Variants in CAMK2D observed in about 807,000 individuals in gnomAD.
CAMK2D encodes calcium/calmodulin dependent protein kinase II delta.
CAMK2D carries 37 observed loss-of-function variants against 84.0 expected under a neutral mutation model. That is an observed-to-expected ratio of 0.44 (90% confidence interval 0.34 to 0.58). The LOEUF (loss-of-function observed/expected upper bound fraction) is 0.58, where lower values mean the gene tolerates loss of function less well. CAMK2D is among the 20% of genes least tolerant of loss of function. CAMK2D has a pLI of 0.02. For synonymous variants in CAMK2D, 202 were observed against 212.5 expected, an observed-to-expected ratio of 0.95 and a Z score of 0.43; for missense variants, 448 against 652.5, an observed-to-expected ratio of 0.69 and a Z score of 3.41.
chr4:113,625,102 G>A (rs2154280276), intron 3 of CAMK2D, among the ~76,000 whole-genome samples: 1 of 152,254 alleles, frequency 6.6e-6, no homozygotes, highest in South Asian at 2.1e-4. Context: ...GTAGCAGCAG[G>A]ATCAGACTTA....
chr4:113,465,755 C>T (rs988174086), intron 16 of CAMK2D, 151 bp from the exon 17 acceptor site: 3 of 596,880 alleles, frequency 5.0e-6, no homozygotes, highest in Non-Finnish European at 8.9e-6. Flanking sequence ...GCCTTGACCT[C>T]CTGGGCTCAA....
intron 2 of CAMK2D, among the ~76,000 whole-genome samples, chr4:113,697,031 G>A (rs1695753246): frequency 6.6e-6 from 1 of 152,064 alleles, no homozygotes; most frequent in Non-Finnish European, 1.5e-5. Flanking sequence ...AATGTCCAAG[G>A]AGTCTTGATT....
intron 8 of CAMK2D, among the ~76,000 whole-genome samples, chr4:113,519,331 A>AGTT (rs1335227859): frequency 1.3e-5 from 2 of 152,194 alleles, no homozygotes. Flanking sequence ...TGCAGTTGAC[A>AGTT]GTTGATGTGG....
intron 2 of CAMK2D, among the ~76,000 whole-genome samples, chr4:113,696,938 T>C (rs886459903): frequency 6.6e-6 from 1 of 152,012 alleles, no homozygotes; most frequent in Non-Finnish European, 1.5e-5. Context: ...GAGAAGGTAA[T>C]GCATATGAAC....
At chr4:113,493,766 A>G (rs764922133) in intron 16 of CAMK2D, among the ~76,000 whole-genome samples, 4,817 of 151,524 alleles carry the variant, frequency 0.032, 113 homozygotes, top group Non-Finnish European at 0.05. Flanking sequence ...TCTCCCCATC[A>G]CTTTCAGGTA....
At chr4:113,583,236 A>G (rs1041299931) in intron 4 of CAMK2D, among the ~76,000 whole-genome samples, 6 of 76,146 alleles carry the variant, frequency 7.9e-5, no homozygotes, top group Non-Finnish European at 1.5e-4. Flanking sequence ...TACCCTTCAT[A>G]GGGCACAAAA....
In CAMK2D at chr4:113,496,593, C is replaced by T. The variant is rs1237405635; in HGVS notation, c.1135+3870G>A. 8.6e-5 allele frequency among the ~76,000 whole-genome samples: 13 copies of T among 151,914 alleles called. No individual in the cohort carries two copies. The East Asian group carries it at 2.1e-3, about 25-fold the overall frequency. ...CCTCCCGAGTTGCTGGGATTACAGG[C>T]GCGTACCACAGTGCCCAGCTAATTT... On this transcript the variant is annotated intron_variant, in intron 16 of 20. Coordinates refer to ENST00000511664, the MANE Select transcript of CAMK2D (RefSeq NM_001321571.2).
chr4:113,641,751 TA>T (rs1440234736), intron 3 of CAMK2D, among the ~76,000 whole-genome samples: 1 of 152,214 alleles, frequency 6.6e-6, no homozygotes, highest in African/African-American at 2.4e-5. Context: ...CTCATGCCTG[TA>T]ATCCCAGCAC....
intron 4 of CAMK2D, among the ~76,000 whole-genome samples, chr4:113,601,991 C>T (rs2098955359): frequency 6.6e-6 from 1 of 151,908 alleles, no homozygotes; most frequent in African/African-American, 2.4e-5. Flanking sequence ...ACCACTGTGC[C>T]CAGCCTCCTT....
chr4:113,646,767 C>A (rs145957680), intron 3 of CAMK2D, among the ~76,000 whole-genome samples: 34 of 152,268 alleles, frequency 2.2e-4, no homozygotes, highest in African/African-American at 7.2e-4. Context: ...CATGCCATCC[C>A]CTCGTTCTCT....
intron 3 of CAMK2D, among the ~76,000 whole-genome samples, chr4:113,619,490 C>T (rs982580128): frequency 2.0e-5 from 3 of 152,162 alleles, no homozygotes; most frequent in African/African-American, 7.2e-5. Context: ...GCTCCACCCT[C>T]ATTATCCCCC....
At chr4:113,560,926 G>T (rs1409872003) in intron 4 of CAMK2D, among the ~76,000 whole-genome samples, 3 of 152,168 alleles carry the variant, frequency 2.0e-5, no homozygotes, top group African/African-American at 4.8e-5. Flanking sequence ...GAAAAGAGAG[G>T]AGAGAATAAT....
Position 113,552,085 on chromosome 4 carries a change from C to T in CAMK2D, c.287G>A (p.Gly96Asp). Residue 96 changes from glycine (G) to aspartate (D), a missense_variant, in exon 5 of 21, where the codon GGT becomes GAT. Around this residue, in one of 7 missense-constraint regions of CAMK2D, gnomAD observed 7 missense variants for 25.5 expected, o/e 0.27. Transcript: ENST00000511664. The stretch of plus-strand genomic sequence containing the variant: ...TGCCACTATGTCTTCAAACAGTTCA[C>T]CTCCAGTAACTCTGGGAAGATAAAA... ...HYLVFDLVTG[G>D]ELFEDIVARE... The T allele has an allele frequency of 6.4e-7, 1 of 1,572,452 alleles. No homozygotes were observed. Among genetic ancestry groups the T allele is most frequent in the Non-Finnish European group, 8.7e-7 (1 of 1,147,042 alleles).
chr4:113,643,283 A>T (rs555402084), intron 3 of CAMK2D, among the ~76,000 whole-genome samples: 11 of 152,324 alleles, frequency 7.2e-5, no homozygotes, highest in South Asian at 2.1e-4. Flanking sequence ...AAAAGTTTTT[A>T]AAAAAAGTCC....
At chr4:113,706,528 T>G (rs2099456502) in intron 2 of CAMK2D, among the ~76,000 whole-genome samples, 1 of 152,166 alleles carries the variant, frequency 6.6e-6, no homozygotes, top group Non-Finnish European at 1.5e-5. Flanking sequence ...CAATGAGATT[T>G]TATAAACTAT....
At chr4:113,517,217 A>G (rs1381041755) in intron 9 of CAMK2D, among the ~76,000 whole-genome samples, 3 of 152,144 alleles carry the variant, frequency 2.0e-5, no homozygotes, top group African/African-American at 7.2e-5. Flanking sequence ...ATTATGTGAT[A>G]GATATTTGAG....
chr4:113,521,195 CT>C (rs1261061275), intron 8 of CAMK2D, among the ~76,000 whole-genome samples: 5 of 152,136 alleles, frequency 3.3e-5, no homozygotes, highest in Non-Finnish European at 7.4e-5. Flanking sequence ...AACGCATTGG[CT>C]CCCCAACATC....
chr4:113,464,369 C>A (rs1450714934), intron 17 of CAMK2D, among the ~76,000 whole-genome samples: 1 of 152,140 alleles, frequency 6.6e-6, no homozygotes, highest in African/African-American at 2.4e-5. Context: ...ATATGTTTTG[C>A]AAATGTTTTT....
intron 4 of CAMK2D, among the ~76,000 whole-genome samples, chr4:113,575,639 T>TCA (rs978363240): frequency 6.6e-6 from 1 of 152,220 alleles, no homozygotes; most frequent in African/African-American, 2.4e-5. Flanking sequence ...ATTTAAACCC[T>TCA]CAGTCAGTCA....
Sources: allele counts gnomAD v4.1 joint callset (sites outside exome capture counted in the v4.1 genomes callset), GRCh38; gene constraint gnomAD v4.1.1; regional missense constraint gnomAD v4.1.1; transcripts MANE v1.5; gene names NCBI Gene and HGNC (gene_info 2026-07-23, HGNC 2026-07-21).